DPY19L1: variants seen among roughly 807,000 people sequenced by gnomAD.
DPY19L1 encodes the protein dpy-19 like C-mannosyltransferase 1, also known as protein C-mannosyl-transferase DPY19L1.
Under a neutral mutation model 96.9 loss-of-function variants are expected in DPY19L1, and 35 were observed. That is an observed-to-expected ratio of 0.36 (90% CI 0.28 to 0.48). The LOEUF is 0.48. Ranked by LOEUF, DPY19L1 falls within the 20% of genes least tolerant of loss-of-function variation. The pLI, the probability that DPY19L1 is intolerant of heterozygous loss-of-function variation, is 0.99. For missense variants in DPY19L1, 521 were observed against 777.9 expected, an observed-to-expected ratio of 0.67 and a Z score of 3.93; for synonymous variants, 205 against 252.6, an observed-to-expected ratio of 0.81 and a Z score of 1.79.
rs1336766885 is a variant in DPY19L1, at chr7:34,939,316, G to C, written c.1924C>G (p.Pro642Ala). The stretch of plus-strand genomic sequence containing the variant: ...TCATAATGTGGATGATTCACAATGG[G>C]CCGAAGTGCAGAGAGCTTAACACTT... ...MASVKLSALR[P>A]IVNHPHYEDA... Residue 642 changes from proline (P) to alanine (A), a missense_variant, in exon 20 of 22, where the codon CCC (proline) becomes GCC (alanine). Pro to Ala is a conservative substitution (Grantham distance 27). Transcript: ENST00000638088. The C allele has an allele frequency of 6.2e-7, 1 of 1,613,838 alleles. No individual in the cohort carries two copies. Among genetic ancestry groups the C allele is most frequent in the Non-Finnish European group, 8.5e-7 (1 of 1,179,948 alleles).
chr7:34,938,142 A>G lies in DPY19L1; in HGVS notation c.1965-23T>C, dbSNP rs768314290. The stretch of plus-strand genomic sequence containing the variant: ...GCTCTTTAAAGAAAAATAATTGGGC[A>G]TAAAATTTTCAAGACTAAAACGATA... On this transcript the variant is annotated intron_variant, in intron 20 of 21. Transcript: ENST00000638088. 61 of 1,608,690 alleles carry G rather than the reference A, an allele frequency of 3.8e-5. 1 individual carries two copies. Among genetic ancestry groups the G allele is most frequent in the Non-Finnish European group, 1.4e-5 (16 of 1,177,750 alleles).
chr7:35,029,678 A>T (rs1786214583), intron 1 of DPY19L1, among the ~76,000 whole-genome samples: 1 of 152,184 alleles, frequency 6.6e-6, no homozygotes, highest in African/African-American at 2.4e-5. Flanking sequence ...GTTTTCAAAA[A>T]TAATCATATA....
chr7:35,021,052 T>G (rs576537884), intron 1 of DPY19L1, among the ~76,000 whole-genome samples: 1 of 152,370 alleles, frequency 6.6e-6, no homozygotes, highest in South Asian at 2.1e-4. Context: ...ATAATAATTT[T>G]GTTCCTGTTT....
chr7:35,017,010 T>G (rs1307914143), intron 3 of DPY19L1, among the ~76,000 whole-genome samples: 4 of 151,992 alleles, frequency 2.6e-5, no homozygotes, highest in Non-Finnish European at 5.9e-5. Context: ...TTTGTTTTTT[T>G]TTTTTTAAAG....
chr7:34,963,295 T>C (rs530266057), intron 10 of DPY19L1, among the ~76,000 whole-genome samples: 1 of 151,988 alleles, frequency 6.6e-6, no homozygotes, highest in East Asian at 1.9e-4. Context: ...AGATATCACC[T>C]TATACCTATT....
Position 34,947,618 on chromosome 7 carries a change from T to A in DPY19L1, c.1494+12A>T. On this transcript the variant is annotated intron_variant, in intron 15 of 21. Transcript: ENST00000638088. ...TCTATTATAAGAAAGAGCTCTTAAGTGATAGACATACCTTTCTAACAATAG... is the reference window on the plus strand; with the variant it reads ...TCTATTATAAGAAAGAGCTCTTAAGAGATAGACATACCTTTCTAACAATAG... The A allele has an allele frequency of 6.2e-7, 1 of 1,603,516 alleles. No individual in the cohort carries two copies. Among genetic ancestry groups the A allele is most frequent in the East Asian group, 2.2e-5 (1 of 44,560 alleles).
intron 1 of DPY19L1, among the ~76,000 whole-genome samples, chr7:35,023,756 T>A (rs1230108032): frequency 4.6e-5 from 7 of 152,000 alleles, no homozygotes; most frequent in Non-Finnish European, 7.4e-5. Flanking sequence ...GCTGCCTCCT[T>A]CTCTATGCTG....
chr7:34,940,609 A>G (rs1176780796), intron 18 of DPY19L1, among the ~76,000 whole-genome samples: 1 of 152,070 alleles, frequency 6.6e-6, no homozygotes, highest in African/African-American at 2.4e-5. Flanking sequence ...GCCCAGTACA[A>G]AACAAAAATG....
chr7:34,944,326 G>A lies in DPY19L1; in HGVS notation c.1544+1341C>T, dbSNP rs531830793. On this transcript the variant is annotated intron_variant, in intron 16 of 21. Transcript: ENST00000638088. ...TGCAGTGAGCCGAGATCGTGCCACT[G>A]CACTCCTCCAGCCTGGGTGACAGAG... Among the ~76,000 whole-genome samples, 16 of 134,588 alleles carry A rather than the reference G, an allele frequency of 1.2e-4. No homozygotes were observed. In the Admixed American group the frequency reaches 1.2e-3, roughly 10 times the overall value. 88.3% of individuals were successfully genotyped at this position (134,588 alleles called of 152,430 possible).
At chr7:35,032,367 G>A (rs530386634) in intron 1 of DPY19L1, among the ~76,000 whole-genome samples, 1 of 152,190 alleles carries the variant, frequency 6.6e-6, no homozygotes, top group Admixed American at 6.5e-5. Context: ...TTCCCCCCAC[G>A]TGGTAAAACA....
At chr7:34,952,435 G>A (rs1282470160) in intron 13 of DPY19L1, among the ~76,000 whole-genome samples, 1 of 152,094 alleles carries the variant, frequency 6.6e-6, no homozygotes, top group African/African-American at 2.4e-5. Context: ...GGCCATGAGG[G>A]CTTCACTGTT....
intron 1 of DPY19L1, among the ~76,000 whole-genome samples, chr7:35,026,743 G>C (rs559753759): frequency 6.6e-6 from 1 of 152,296 alleles, no homozygotes; most frequent in South Asian, 2.1e-4. Context: ...GGAGAGGTTG[G>C]CAAAACGTGA....
At chr7:35,019,277 C>T (rs1417924109) in intron 1 of DPY19L1, among the ~76,000 whole-genome samples, 1 of 152,038 alleles carries the variant, frequency 6.6e-6, no homozygotes, top group Non-Finnish European at 1.5e-5. Context: ...TGAAAATACT[C>T]CTAGAAAGGA....
intron 7 of DPY19L1, 50 bp from the exon 8 acceptor site, chr7:34,973,655 A>G: frequency 9.7e-7 from 1 of 1,035,008 alleles, no homozygotes; most frequent in Non-Finnish European, 1.3e-6. Flanking sequence ...TTACTAAGAC[A>G]TTCCAAGTAA....
At chr7:34,979,987 T>C (rs185330432) in intron 7 of DPY19L1, among the ~76,000 whole-genome samples, 2 of 152,220 alleles carry the variant, frequency 1.3e-5, no homozygotes, top group African/African-American at 4.8e-5. Flanking sequence ...AGGTTGGAGA[T>C]CTTCACTATG....
intron 6 of DPY19L1, among the ~76,000 whole-genome samples, chr7:34,993,961 G>C (rs962556306): frequency 1.3e-5 from 2 of 152,082 alleles, no homozygotes; most frequent in African/African-American, 4.8e-5. Flanking sequence ...AGCTACTCAG[G>C]AGGCTGAGAG....
intron 9 of DPY19L1, among the ~76,000 whole-genome samples, chr7:34,967,464 G>A (rs1335153039): frequency 1.3e-5 from 2 of 152,074 alleles, no homozygotes; most frequent in African/African-American, 2.4e-5. Context: ...AAATATTCAA[G>A]AGTTAGTTAT....
At chr7:34,979,137 A>G (rs1011662023) in intron 7 of DPY19L1, among the ~76,000 whole-genome samples, 1 of 152,094 alleles carries the variant, frequency 6.6e-6, no homozygotes, top group East Asian at 1.9e-4. Flanking sequence ...TTTACAAAAA[A>G]CCTTTGTGAA....
chr7:34,932,798 CA>C (rs1258030185), intron 21 of DPY19L1, among the ~76,000 whole-genome samples: 1 of 152,088 alleles, frequency 6.6e-6, no homozygotes, highest in Non-Finnish European at 1.5e-5. Flanking sequence ...TTTTAAAAAA[CA>C]GAAAAACATG....
Sources: allele counts gnomAD v4.1 joint callset (sites outside exome capture counted in the v4.1 genomes callset), GRCh38; gene constraint gnomAD v4.1.1; transcripts MANE v1.5; gene names NCBI Gene and HGNC (gene_info 2026-07-23, HGNC 2026-07-21).